Variants in YPEL1 observed in about 807,000 individuals in gnomAD.
The protein encoded by YPEL1 is protein yippee-like 1.
In YPEL1, 7 loss-of-function variants were observed where a neutral mutation model predicts 17.3. The observed-to-expected ratio is 0.40, with a 90% CI of 0.23 to 0.76. The LOEUF (loss-of-function observed/expected upper bound fraction) is 0.76. YPEL1 is among the 30% of genes least tolerant of loss of function. The pLI is 0.35. For missense variants in YPEL1, 91 were observed against 155.5 expected (o/e 0.59, Z 2.21); for synonymous variants, 59 against 59.6 (o/e 0.99, Z 0.05).
intron 1 of YPEL1, among the ~76,000 whole-genome samples, chr22:21,729,530 G>A (rs1226665337): frequency 6.6e-6 from 1 of 152,090 alleles, no homozygotes; most frequent in African/African-American, 2.4e-5. Flanking sequence ...GAGGCCAGGA[G>A]GTCAAGGTTG....
chr22:21,712,981 T>C (rs917356364), intron 1 of YPEL1, among the ~76,000 whole-genome samples: 11 of 152,054 alleles, frequency 7.2e-5, no homozygotes, highest in African/African-American at 1.7e-4. Context: ...CCGAAGAAGA[T>C]ATACAGATGG....
At chr22:21,732,398 A>C (rs1456451573) in intron 1 of YPEL1, among the ~76,000 whole-genome samples, 1 of 152,232 alleles carries the variant, frequency 6.6e-6, no homozygotes, top group Non-Finnish European at 1.5e-5. Context: ...AAAGCATCAC[A>C]GAACAGTTTG....
At chr22:21,710,195 C>T (rs557547419) in intron 2 of YPEL1, among the ~76,000 whole-genome samples, 12 of 152,262 alleles carry the variant, frequency 7.9e-5, no homozygotes, top group Non-Finnish European at 1.3e-4. Context: ...AACCGACAAA[C>T]GCAGCCACAC....
intron 1 of YPEL1, among the ~76,000 whole-genome samples, chr22:21,724,822 C>T (rs2068318172): frequency 6.6e-6 from 1 of 152,090 alleles, no homozygotes; most frequent in African/African-American, 2.4e-5. Context: ...TCGGGCCATC[C>T]ACCCACCTTG....
chr22:21,704,493 C>T (rs1343435514), intron 2 of YPEL1, among the ~76,000 whole-genome samples: 2 of 152,030 alleles, frequency 1.3e-5, no homozygotes, highest in East Asian at 3.9e-4. Flanking sequence ...CCTGTCTCTA[C>T]TAAAAATACA....
intron 1 of YPEL1, among the ~76,000 whole-genome samples, chr22:21,719,472 G>A (rs1286526043): frequency 6.6e-6 from 1 of 152,194 alleles, no homozygotes; most frequent in Non-Finnish European, 1.5e-5. Context: ...AGCTAAGAGA[G>A]AGACAGGAAA....
Position 21,703,774 on chromosome 22 carries a change from G to T in YPEL1, c.161+65C>A. 1 of 1,542,528 alleles carries T rather than the reference G, an allele frequency of 6.5e-7. No homozygotes were observed. Among genetic ancestry groups the T allele is most frequent in the Non-Finnish European group, 8.9e-7 (1 of 1,128,264 alleles). On this transcript the variant is annotated intron_variant, in intron 3 of 4. Coordinates refer to ENST00000339468, the MANE Select transcript of YPEL1 (RefSeq NM_013313.5). This position sits in a 1 kb window ranked among gnomAD's most constrained non-coding sequence, Gnocchi z 6.1. ...CAGGTGATTCTACACAGGGCACTGTGTAGGTGCCATCCAGGCCGTCCCAGG... is the reference window on the plus strand; with the variant it reads ...CAGGTGATTCTACACAGGGCACTGTTTAGGTGCCATCCAGGCCGTCCCAGG...
At chr22:21,718,462 C>A (rs897662123) in intron 1 of YPEL1, among the ~76,000 whole-genome samples, 12 of 147,264 alleles carry the variant, frequency 8.1e-5, no homozygotes, top group African/African-American at 2.7e-4. Flanking sequence ...GAGGCTCCAT[C>A]AAAAAAAAAT....
chr22:21,705,112 C>T (rs1011245327), intron 2 of YPEL1, among the ~76,000 whole-genome samples: 16 of 152,226 alleles, frequency 1.1e-4, no homozygotes, highest in Admixed American at 9.2e-4. Flanking sequence ...ACTACAGGCA[C>T]GTGCCACTAG....
intron 2 of YPEL1, among the ~76,000 whole-genome samples, chr22:21,708,387 G>A (rs1358019955): frequency 2.1e-5 from 3 of 143,324 alleles, no homozygotes; most frequent in African/African-American, 7.9e-5. Context: ...CCAGGCTGGA[G>A]TGCAGTGGTG....
At chr22:21,720,187 A>C (rs1417259756) in intron 1 of YPEL1, among the ~76,000 whole-genome samples, 5 of 151,192 alleles carry the variant, frequency 3.3e-5, no homozygotes, top group Non-Finnish European at 7.4e-5. Context: ...CAAAAAAAAA[A>C]AAAAAAAAAA....
chr22:21,705,502 A>G (rs2068106563), intron 2 of YPEL1, among the ~76,000 whole-genome samples: 1 of 152,230 alleles, frequency 6.6e-6, no homozygotes, highest in Non-Finnish European at 1.5e-5. Context: ...CACCATGCCC[A>G]GCCCTTTTTT....
chr22:21,732,638 T>C (rs1006074181), intron 1 of YPEL1, among the ~76,000 whole-genome samples: 2 of 152,006 alleles, frequency 1.3e-5, no homozygotes, highest in African/African-American at 4.8e-5. Context: ...AAAAATTAGC[T>C]GGCTGTTGTG....
chr22:21,700,020 CAATTT>C lies in YPEL1; in HGVS notation c.*1104_*1108del, dbSNP rs1390927662. On this transcript the variant is annotated 3_prime_UTR_variant, in exon 5 of 5. Transcript: ENST00000339468. Reference sequence around the variant, plus strand: ...AACATGTTCCACTAGACACCATTCTCAATTTAGAGTGTATCTAAAATGTCATCTGT... The same window carrying C: ...AACATGTTCCACTAGACACCATTCTCAGAGTGTATCTAAAATGTCATCTGT... 1 of 152,366 alleles carries C rather than the reference CAATTT, an allele frequency of 6.6e-6. No homozygotes were observed. The highest frequency in any genetic ancestry group is 1.5e-5 in the Non-Finnish European group (1 of 68,036). 9.4% of individuals were successfully genotyped at this position (152,366 alleles called of 1,614,324 possible).
chr22:21,700,996 G>A lies in YPEL1; in HGVS notation c.*133C>T. Reference sequence around the variant, plus strand: ...CTTACCCACAGAGATGGCCGAGAGTGTCAAGAGCTATGCGCAGCTAGCCTT... The same window carrying A: ...CTTACCCACAGAGATGGCCGAGAGTATCAAGAGCTATGCGCAGCTAGCCTT... On this transcript the variant is annotated 3_prime_UTR_variant, in exon 5 of 5. Transcript: ENST00000339468. 1 of 704,060 alleles carries A rather than the reference G, an allele frequency of 1.4e-6. No homozygotes were observed. The allele number at this position is 704,060 out of a possible 1,614,324, so 43.6% of individuals were successfully genotyped here.
At chr22:21,716,903 G>A (rs973686583) in intron 1 of YPEL1, among the ~76,000 whole-genome samples, 1 of 152,120 alleles carries the variant, frequency 6.6e-6, no homozygotes, top group Non-Finnish European at 1.5e-5. Context: ...CGATGAGCTT[G>A]AGAGTATATG....
intron 1 of YPEL1, among the ~76,000 whole-genome samples, chr22:21,712,192 A>C (rs956319263): frequency 1.3e-5 from 2 of 152,052 alleles, no homozygotes; most frequent in South Asian, 4.2e-4. Context: ...ATAAATAAAA[A>C]CTTTTGTGCT....
chr22:21,717,970 A>AG (rs1373830056), intron 1 of YPEL1, among the ~76,000 whole-genome samples: 2 of 151,132 alleles, frequency 1.3e-5, no homozygotes, highest in Non-Finnish European at 3.0e-5. Flanking sequence ...ACGCAAAAAA[A>AG]GTGTTTTTCA....
At chr22:21,733,226 T>C (rs935090816) in intron 1 of YPEL1, among the ~76,000 whole-genome samples, 4 of 151,780 alleles carry the variant, frequency 2.6e-5, no homozygotes, top group African/African-American at 7.3e-5. Context: ...GAGACCAGCC[T>C]GGGCAACATG....
Sources: gnomAD v4.1 joint callset for allele counts (sites outside exome capture counted in the v4.1 genomes callset) on GRCh38, gnomAD v4.1.1 for gene constraint, Gnocchi (gnomAD v3.1) non-coding constraint, MANE v1.5 for transcripts, NCBI Gene and HGNC (gene_info 2026-07-23, HGNC 2026-07-21) for gene names.